The following SMYD3 variants were observed in gnomAD, a reference collection of about 807,000 sequenced individuals.
SMYD3 encodes SET and MYND domain containing 3.
A neutral mutation model predicts 57.7 loss-of-function variants in SMYD3; 36 were observed. That is an observed-to-expected ratio of 0.62 (90% CI 0.48 to 0.82). The LOEUF is 0.82. SMYD3 is among the 40% of genes least tolerant of loss of function. SMYD3 has a pLI of 0.00. For synonymous variants in SMYD3, 211 were observed against 195.0 expected (o/e 1.08, Z -0.68); for missense variants, 515 against 538.8 (o/e 0.96, Z 0.44).
intron 10 of SMYD3, among the ~76,000 whole-genome samples, chr1:245,826,414 T>A (rs918069317): frequency 7.2e-5 from 11 of 152,226 alleles, no homozygotes; most frequent in Non-Finnish European, 1.6e-4. Context: ...GGGGTCTCAC[T>A]ATGTTGCCCA....
intron 10 of SMYD3, among the ~76,000 whole-genome samples, chr1:245,785,854 A>C (rs569517412): frequency 2.0e-5 from 3 of 152,046 alleles, no homozygotes; most frequent in African/African-American, 7.2e-5. Context: ...GTATGCCACC[A>C]TGCCTGGCTA....
chr1:246,495,708 AG>A lies in SMYD3; in HGVS notation c.164+11345del, dbSNP rs1380110389. ...GTAATCCCAGCACTTTGGGAGGCCA[AG>A]GCAGGGGGATCACTTGAGCTCAGGA... On this transcript the variant is annotated intron_variant, in intron 1 of 11. Transcript: ENST00000490107. 2.0e-5 allele frequency among the ~76,000 whole-genome samples: 3 copies of A among 152,276 alleles called. No homozygotes were observed. In the East Asian group the frequency reaches 5.8e-4, roughly 29 times the overall value.
intron 5 of SMYD3, among the ~76,000 whole-genome samples, chr1:246,270,788 A>G (rs2064205506): frequency 6.6e-6 from 1 of 152,226 alleles, no homozygotes; most frequent in African/African-American, 2.4e-5. Flanking sequence ...CTGGCATACA[A>G]ACATCTCTTT....
At chr1:246,305,191 G>T (rs2064959232) in intron 5 of SMYD3, among the ~76,000 whole-genome samples, 1 of 152,186 alleles carries the variant, frequency 6.6e-6, no homozygotes, top group Admixed American at 6.5e-5. Flanking sequence ...CACTCATTTT[G>T]AGGAGCACAG....
At chr1:246,181,717 C>T (rs879914191) in intron 5 of SMYD3, among the ~76,000 whole-genome samples, 5 of 152,140 alleles carry the variant, frequency 3.3e-5, no homozygotes, top group South Asian at 2.1e-4. Flanking sequence ...CCTTAAGATG[C>T]GTTCAAGAGG....
At chr1:246,121,722 T>C (rs2061428495) in intron 5 of SMYD3, among the ~76,000 whole-genome samples, 1 of 152,144 alleles carries the variant, frequency 6.6e-6, no homozygotes. Context: ...AAAATGACTG[T>C]TGCAGGAAGT....
chr1:246,263,255 G>A (rs1386940649), intron 5 of SMYD3, among the ~76,000 whole-genome samples: 1 of 152,142 alleles, frequency 6.6e-6, no homozygotes, highest in Non-Finnish European at 1.5e-5. Flanking sequence ...CTTTTCTGAG[G>A]CTGTTTCTGT....
At chr1:245,790,532 A>G (rs564328727) in intron 10 of SMYD3, among the ~76,000 whole-genome samples, 25 of 152,230 alleles carry the variant, frequency 1.6e-4, no homozygotes, top group Admixed American at 4.6e-4. Flanking sequence ...ACTTGGCTCC[A>G]AACCAGGCAC....
intron 1 of SMYD3, among the ~76,000 whole-genome samples, chr1:246,395,871 T>C (rs2066662725): frequency 2.0e-5 from 3 of 151,820 alleles, no homozygotes; most frequent in South Asian, 2.1e-4. Flanking sequence ...GCTGCCTCTA[T>C]GCTCTGCCAC....
chr1:246,274,864 T>G (rs1195813420), intron 5 of SMYD3, among the ~76,000 whole-genome samples: 1 of 152,094 alleles, frequency 6.6e-6, no homozygotes, highest in Non-Finnish European at 1.5e-5. Flanking sequence ...TAGGCAACAC[T>G]CTACCGGGGT....
chr1:246,272,932 G>C (rs1430424178), intron 5 of SMYD3, among the ~76,000 whole-genome samples: 1 of 152,078 alleles, frequency 6.6e-6, no homozygotes, highest in Admixed American at 6.5e-5. Flanking sequence ...TCTCTGTTGA[G>C]AGATTATTGA....
intron 2 of SMYD3, among the ~76,000 whole-genome samples, chr1:246,341,722 T>C (rs1360774608): frequency 6.6e-6 from 1 of 152,220 alleles, no homozygotes; most frequent in African/African-American, 2.4e-5. Context: ...CAAAATAACA[T>C]TTGCACTATT....
At chr1:246,148,649 T>C (rs1480928216) in intron 5 of SMYD3, among the ~76,000 whole-genome samples, 1 of 152,168 alleles carries the variant, frequency 6.6e-6, no homozygotes, top group African/African-American at 2.4e-5. Flanking sequence ...GAAGAAAAGA[T>C]GGAGAAAAAT....
chr1:246,067,605 C>T (rs895526843), intron 5 of SMYD3, among the ~76,000 whole-genome samples: 12 of 151,764 alleles, frequency 7.9e-5, no homozygotes, highest in Non-Finnish European at 1.6e-4. Context: ...CACACTAATG[C>T]CCCCCCACAG....
At chr1:246,096,360 T>G (rs886712251) in intron 5 of SMYD3, 1 of 152,232 alleles carries the variant, frequency 6.6e-6, no homozygotes. Flanking sequence ...TGGGCAGCTG[T>G]GGGCTCGCAG....
intron 1 of SMYD3, among the ~76,000 whole-genome samples, chr1:246,498,662 C>G (rs1372396941): frequency 3.5e-5 from 5 of 144,570 alleles, no homozygotes; most frequent in Non-Finnish European, 1.5e-5. Flanking sequence ...ACCTGGGAGA[C>G]GGAGCTGGCA....
At chr1:245,769,370 T>C (rs921246103) in intron 10 of SMYD3, among the ~76,000 whole-genome samples, 13 of 152,166 alleles carry the variant, frequency 8.5e-5, no homozygotes, top group Non-Finnish European at 1.9e-4. Context: ...ACACTGAAGC[T>C]GAATCTAACC....
intron 5 of SMYD3, among the ~76,000 whole-genome samples, chr1:246,037,973 T>G (rs951172664): frequency 1.3e-5 from 2 of 152,204 alleles, no homozygotes; most frequent in African/African-American, 4.8e-5. Context: ...TATTCAATTC[T>G]GCCACCATAG....
At chr1:245,862,100 G>A (rs867913032) in intron 9 of SMYD3, among the ~76,000 whole-genome samples, 6 of 36,664 alleles carry the variant, frequency 1.6e-4, no homozygotes, top group Middle Eastern at 0.042. Context: ...ACTGTTTTCC[G>A]TTTTCCTAGT....
Sources: gnomAD v4.1 joint callset for allele counts (sites outside exome capture counted in the v4.1 genomes callset) on GRCh38, gnomAD v4.1.1 for gene constraint, MANE v1.5 for transcripts, NCBI Gene and HGNC (gene_info 2026-07-23, HGNC 2026-07-21) for gene names.